CYP4F3: variants seen among roughly 807,000 people sequenced by gnomAD.
The protein encoded by CYP4F3 is cytochrome P450 family 4 subfamily F member 3.
Under a neutral mutation model 54.8 loss-of-function variants are expected in CYP4F3, and 50 were observed. The ratio of observed to expected loss-of-function variants is 0.91; its 90% CI spans 0.73 to 1.16. CYP4F3 has a LOEUF of 1.16. Among genes scored for constraint, CYP4F3 ranks in the 50% most tolerant of loss-of-function variants. CYP4F3 has a pLI of 0.00. For synonymous variants in CYP4F3, 244 were observed against 262.6 expected, an observed-to-expected ratio of 0.93 and a Z score of 0.69; for missense variants, 715 against 676.2, an observed-to-expected ratio of 1.06 and a Z score of -0.64.
chr19:15,660,263 G>A lies in CYP4F3; in HGVS notation c.*878G>A, dbSNP rs1973153193. 1.3e-5 allele frequency: 2 copies of A among 152,094 alleles called. No individual in the cohort carries two copies. Among genetic ancestry groups the A allele is most frequent in the Non-Finnish European group, 2.9e-5 (2 of 68,014 alleles). The allele number at this position is 152,094 out of a possible 1,614,324, so 9.4% of individuals were successfully genotyped here. On this transcript the variant is annotated 3_prime_UTR_variant, in exon 13 of 13. Coordinates refer to ENST00000221307, the MANE Select transcript of CYP4F3 (RefSeq NM_000896.3). The stretch of plus-strand genomic sequence containing the variant: ...CTTTTCTGGCACTTTAATGGCTTGA[G>A]GTATCATTATCAGTTACAAATTGAG...
chr19:15,650,335 T>G, intron 7 of CYP4F3, 152 bp downstream of exon 7: 1 of 1,468,534 alleles, frequency 6.8e-7, no homozygotes, highest in Non-Finnish European at 9.3e-7. Context: ...GTTTTGGAGA[T>G]AGCTCTGTGG....
Position 15,652,918 on chromosome 19 carries a change from C to T in CYP4F3, c.1081C>T (p.Leu361Phe), listed in dbSNP as rs909038340. ...QERCRQEVQE[L>F]LKDREPKEIE... ...GCGCTGTCGGCAGGAGGTGCAAGAG[C>T]TTCTGAAGGACCGTGAGCCTAAAGA... The change falls in exon 9 of 13, where the codon CTT becomes TTT. Residue 361 changes from leucine (L) to phenylalanine (F), a missense_variant. By Grantham distance (22) the Leu-to-Phe change is conservative. Transcript: ENST00000221307. 1 of 1,613,038 alleles carries T rather than the reference C, an allele frequency of 6.2e-7. No homozygotes were observed. The highest frequency in any genetic ancestry group is 1.1e-5 in the South Asian group (1 of 91,000).
At position 15,652,935 on chromosome 19, in the gene CYP4F3, G is replaced by C. The variant is rs140155889; in HGVS notation, c.1098G>C (p.Glu366Asp). 2 of 1,609,412 alleles carry C rather than the reference G, an allele frequency of 1.2e-6. No homozygotes were observed. The highest frequency in any genetic ancestry group is 1.7e-6 in the Non-Finnish European group (2 of 1,177,774). Reference protein sequence around the residue: ...QEVQELLKDREPKEIEWDDLA... With the variant: ...QEVQELLKDRDPKEIEWDDLA... ...TGCAAGAGCTTCTGAAGGACCGTGA[G>C]CCTAAAGAGATTGAATGGTGAGTGC... Residue 366 changes from glutamate (E) to aspartate (D), a missense_variant, in exon 9 of 13, where the codon GAG becomes GAC. Physicochemically the swap from Glu to Asp is conservative, Grantham distance 45. Transcript: ENST00000221307.
chr19:15,641,741 A>C (rs1948675340), intron 2 of CYP4F3, 128 bp downstream of exon 2: 1 of 1,067,142 alleles, frequency 9.4e-7, no homozygotes, highest in African/African-American at 1.6e-5. Flanking sequence ...GAGGCGTCTT[A>C]CTCATTCCTC....
rs1027646937 is a variant in CYP4F3, at chr19:15,660,159, T to C, written c.*774T>C. 3 of 152,208 alleles carry C rather than the reference T, an allele frequency of 2.0e-5. No homozygotes were observed. Among genetic ancestry groups the C allele is most frequent in the African/African-American group, 4.8e-5 (2 of 41,440 alleles). 9.4% of individuals were successfully genotyped at this position (152,208 alleles called of 1,614,324 possible). ...TTCTTCAAAATGTGCATGTTAAGTA[T>C]TCAAATCAGTCTTAAATTTTTAAAA... On this transcript the variant is annotated 3_prime_UTR_variant, in exon 13 of 13. Coordinates refer to ENST00000221307, the MANE Select transcript of CYP4F3 (RefSeq NM_000896.3).
intron 2 of CYP4F3, chr19:15,643,964 C>T (rs780685387): frequency 1.9e-6 from 3 of 1,606,812 alleles, no homozygotes; most frequent in East Asian, 2.3e-5. Context: ...CACCTACCCC[C>T]AGGGCTTTAA....
rs1250440732 is a variant in CYP4F3, at chr19:15,658,735, C to A, written c.1323C>A (p.Asp441Glu). The A allele has an allele frequency of 1.9e-6, 3 of 1,614,136 alleles. No individual in the cohort carries two copies. The highest frequency in any genetic ancestry group is 3.3e-5 in the Admixed American group (2 of 60,024). ...CTTGGTCTCGCCTCCAGGTCTATGA[C>A]CCCTTTCGCTTTGACCCAAAGAACA... The part of the protein sequence containing the change: ...PAVWPDPEVY[D>E]PFRFDPKNIK... The change falls in exon 12 of 13, where the codon GAC becomes GAA. Residue 441 changes from aspartate to glutamate, a missense_variant. By Grantham distance (45) the Asp-to-Glu change is conservative (BLOSUM62 2). Transcript: ENST00000221307.
At position 15,660,514 on chromosome 19, in the gene CYP4F3, C is replaced by T. The variant is rs945581144; in HGVS notation, c.*1129C>T. 1 of 151,150 alleles carries T rather than the reference C, an allele frequency of 6.6e-6. No homozygotes were observed. The highest frequency in any genetic ancestry group is 2.4e-5 in the African/African-American group (1 of 40,922). 9.4% of individuals were successfully genotyped at this position (151,150 alleles called of 1,614,324 possible). ...GGTAAAAGTGGTTTTCATCCTCACA[C>T]CAATTTTATGGACTGGACGTTAACT... On this transcript the variant is annotated 3_prime_UTR_variant, in exon 13 of 13. Coordinates refer to ENST00000221307, the MANE Select transcript of CYP4F3 (RefSeq NM_000896.3).
Position 15,658,358 on chromosome 19 carries a change from C to A in CYP4F3, c.1210C>A (p.Gln404Lys), listed in dbSNP as rs1456598221. Reference protein sequence around the residue: ...PVPAVSRCCTQDIVLPDGRVI... With the variant: ...PVPAVSRCCTKDIVLPDGRVI... The stretch of plus-strand genomic sequence containing the variant: ...CCCTGCCGTCTCTCGCTGCTGCACC[C>A]AAGACATTGTGCTCCCAGACGGCCG... The change falls in exon 10 of 13, where the codon CAA (glutamine) becomes AAA (lysine). Residue 404 changes from glutamine (Q) to lysine (K), a missense_variant. By Grantham distance (53) the Gln-to-Lys change is moderately conservative. Coordinates refer to ENST00000221307, the MANE Select transcript of CYP4F3 (RefSeq NM_000896.3). The A allele has an allele frequency of 6.2e-7, 1 of 1,614,168 alleles. No homozygotes were observed. The highest frequency in any genetic ancestry group is 8.5e-7 in the Non-Finnish European group (1 of 1,180,036).
rs1437046978 is a variant in CYP4F3, at chr19:15,662,748, C to A, written c.*3363C>A. ...TGTAGTTTTCACCATGACAGTCTTG[C>A]ACATATTTTGTTAAATGTACAGCTG... On this transcript the variant is annotated 3_prime_UTR_variant, in exon 13 of 13. Transcript: ENST00000221307. 2.0e-5 allele frequency: 3 copies of A among 152,112 alleles called. No homozygotes were observed. The highest frequency in any genetic ancestry group is 4.4e-5 in the Non-Finnish European group (3 of 68,022). 9.4% of individuals were successfully genotyped at this position (152,112 alleles called of 1,614,324 possible).
chr19:15,656,227 T>C (rs1403086126), intron 9 of CYP4F3, among the ~76,000 whole-genome samples: 2 of 152,276 alleles, frequency 1.3e-5, no homozygotes, highest in Non-Finnish European at 2.9e-5. Flanking sequence ...GGTTCTTCCA[T>C]GTTGTGGCAA....
rs1354328827 is a variant in CYP4F3 at position 15,658,546 on chromosome 19, G to A, written c.1305G>A (p.Pro435=). Residue 435 remains proline (P), a synonymous_variant, in exon 11 of 13, where the codon CCG becomes CCA. Transcript: ENST00000221307. ...FGTHHNPAVW[P]DPEVYDPFRF... ...CCCATCACAACCCAGCCGTGTGGCC[G>A]GACCCTGAGGTGCGGGCCCCCCGTC... 26 of 1,614,086 alleles carry A rather than the reference G, an allele frequency of 1.6e-5. No individual in the cohort carries two copies. Among genetic ancestry groups the A allele is most frequent in the African/African-American group, 6.7e-5 (5 of 75,010 alleles).
intron 2 of CYP4F3, among the ~76,000 whole-genome samples, chr19:15,642,702 C>T (rs1246368435): frequency 6.6e-6 from 1 of 151,972 alleles, no homozygotes; most frequent in Non-Finnish European, 1.5e-5. Context: ...TGGGGGTGGC[C>T]CCAAGAGAGA....
chr19:15,653,552 A>G (rs781060194), intron 9 of CYP4F3, among the ~76,000 whole-genome samples: 4 of 152,174 alleles, frequency 2.6e-5, no homozygotes. Context: ...GTCCCTGGGC[A>G]GGACAGTCCC....
intron 7 of CYP4F3, 76 bp from the exon 8 acceptor site, chr19:15,652,493 A>G (rs573272995): frequency 2.0e-5 from 32 of 1,562,704 alleles, no homozygotes; most frequent in Admixed American, 1.5e-4. Flanking sequence ...ACTGTCTCAG[A>G]TTAGACTCAA....
At chr19:15,653,342 G>T (rs1972917017) in intron 9 of CYP4F3, among the ~76,000 whole-genome samples, 1 of 152,156 alleles carries the variant, frequency 6.6e-6, no homozygotes, top group South Asian at 2.1e-4. Flanking sequence ...GGATTTATAA[G>T]GGAGACCTGG....
At chr19:15,647,418 T>C in intron 5 of CYP4F3, 94 bp downstream of exon 5, 2 of 1,562,950 alleles carry the variant, frequency 1.3e-6, no homozygotes, top group East Asian at 4.5e-5. Flanking sequence ...GCTGGGTGCC[T>C]CTGGGCCATT....
intron 5 of CYP4F3, 56 bp downstream of exon 5, chr19:15,647,380 G>C: frequency 1.9e-6 from 3 of 1,609,660 alleles, no homozygotes; most frequent in Non-Finnish European, 2.5e-6. Context: ...GGGAACCACA[G>C]ACAGATCTAG....
At position 15,650,028 on chromosome 19, in the gene CYP4F3, C is replaced by T. The variant is rs374503593; in HGVS notation, c.763C>T (p.Arg255Cys). ...GTATTATCTCACCCCTGATGGGCAGCGTTTCCGCAGGGCCTGCCGCCTGGT... is the reference window on the plus strand; with the variant it reads ...GTATTATCTCACCCCTGATGGGCAGTGTTTCCGCAGGGCCTGCCGCCTGGT... ...FLYYLTPDGQ[R>C]FRRACRLVHD... Residue 255 changes from arginine to cysteine, a missense_variant, in exon 7 of 13, where the codon CGT (arginine) becomes TGT (cysteine). Physicochemically the swap from Arg to Cys is radical, Grantham distance 180. Transcript: ENST00000221307. The T allele has an allele frequency of 8.7e-6, 14 of 1,614,194 alleles. No homozygotes were observed. The South Asian group carries it at 8.8e-5, about 10-fold the overall frequency.
Sources: gnomAD v4.1 joint callset for allele counts (sites outside exome capture counted in the v4.1 genomes callset) on GRCh38, gnomAD v4.1.1 for gene constraint, MANE v1.5 for transcripts, NCBI Gene and HGNC (gene_info 2026-07-23, HGNC 2026-07-21) for gene names.